Variants in USP14 observed in about 807,000 individuals in gnomAD.
The protein encoded by USP14 is ubiquitin carboxyl-terminal hydrolase 14.
USP14 carries 38 observed loss-of-function variants against 76.5 expected under a neutral mutation model. That is an observed-to-expected ratio of 0.50 (90% confidence interval 0.38 to 0.65). The LOEUF (loss-of-function observed/expected upper bound fraction) is 0.65, where lower values mean the gene tolerates loss of function less well. USP14 is among the 30% of genes least tolerant of loss of function. The probability of loss-of-function intolerance (pLI) is 0.00; values close to 1 mark genes in which losing one functional copy is unlikely to be tolerated. For missense variants in USP14, 467 were observed against 586.5 expected (o/e 0.80, Z 2.10); for synonymous variants, 192 against 191.7 (o/e 1.00, Z -0.01).
Position 204,630 on chromosome 18 carries a change from G to T in USP14, c.1102G>T (p.Val368Leu), listed in dbSNP as rs139411544. Residue 368 changes from valine to leucine, a missense_variant, in exon 13 of 16, where the codon GTG (valine) becomes TTG (leucine). Val to Leu is a conservative substitution (Grantham distance 32, BLOSUM62 1). Coordinates refer to ENST00000261601, the MANE Select transcript of USP14 (RefSeq NM_005151.4). ...TACACCAGAACTTCAAGAGAAAATG[G>T]TGTCTTTTCGATCCAAATTCAAGGA... The part of the protein sequence containing the change: ...LCTPELQEKM[V>L]SFRSKFKDLE... 13 of 1,613,186 alleles carry T rather than the reference G, an allele frequency of 8.1e-6. No homozygotes were observed. In the African/African-American group the frequency reaches 1.3e-4, roughly 17 times the overall value.
At chr18:176,409 T>G (rs1909629197) in intron 3 of USP14, among the ~76,000 whole-genome samples, 1 of 152,186 alleles carries the variant, frequency 6.6e-6, no homozygotes, top group African/African-American at 2.4e-5. Context: ...CACCTTAGCC[T>G]TCCGACTACC....
rs1403960508 is a variant in USP14 at position 213,587 on chromosome 18, T to TCAA, written c.*2306_*2308dup. ...TGCCACTCACACCGAGGCCATCATC[T>TCAA]CAACATTAGAGTTGTGCTAGATTAC... On this transcript the variant is annotated 3_prime_UTR_variant, in exon 16 of 16. Transcript: ENST00000261601. The TCAA allele has an allele frequency of 1.3e-5, 2 of 152,620 alleles. No homozygotes were observed. The highest frequency in any genetic ancestry group is 1.9e-4 in the East Asian group (1 of 5,170). 9.5% of individuals were successfully genotyped at this position (152,620 alleles called of 1,614,324 possible).
Position 214,504 on chromosome 18 carries a change from G to C in USP14, c.*3220G>C. 1 of 802,996 alleles carries C rather than the reference G, an allele frequency of 1.2e-6. No individual in the cohort carries two copies. Among genetic ancestry groups the C allele is most frequent in the Non-Finnish European group, 1.9e-6 (1 of 521,700 alleles). The allele number at this position is 802,996 out of a possible 1,614,324, so 49.7% of individuals were successfully genotyped here. Reference sequence around the variant, plus strand: ...GTGTTCTATTGTTCTCAGAGCACCAGCCGACTGTACAACAATTGTTATAAA... The same window carrying C: ...GTGTTCTATTGTTCTCAGAGCACCACCCGACTGTACAACAATTGTTATAAA... On this transcript the variant is annotated 3_prime_UTR_variant, in exon 16 of 16. Transcript: ENST00000261601.
At chr18:166,843 T>C (rs1378352473) in intron 3 of USP14, 24 bp downstream of exon 3, 1 of 1,603,110 alleles carries the variant, frequency 6.2e-7, no homozygotes, top group Non-Finnish European at 8.5e-7. Flanking sequence ...TATGAACGTT[T>C]ATTATAATGC....
Position 209,076 on chromosome 18 carries a change from A to G in USP14, c.1165-895A>G, listed in dbSNP as rs377194713. Among the ~76,000 whole-genome samples the G allele has an allele frequency of 2.6e-4, 39 of 151,726 alleles. No individual in the cohort carries two copies. The East Asian group carries it at 2.7e-3, about 11-fold the overall frequency. ...GTATAGACTATTTACATTTAGTGCA[A>G]TCATCGACATGTTAGGGTTTAATTC... On this transcript the variant is annotated intron_variant, in intron 13 of 15. Transcript: ENST00000261601.
intron 13 of USP14, among the ~76,000 whole-genome samples, chr18:208,205 G>C (rs1425109462): frequency 1.3e-5 from 2 of 151,580 alleles, no homozygotes; most frequent in Non-Finnish European, 2.9e-5. Flanking sequence ...CTATTCAAAT[G>C]ATCTATTTCA....
chr18:173,967 A>G (rs1909550306), intron 3 of USP14, among the ~76,000 whole-genome samples: 1 of 152,078 alleles, frequency 6.6e-6, no homozygotes, highest in South Asian at 2.1e-4. Flanking sequence ...TTGATTCTTC[A>G]GGCCTTGAAA....
chr18:211,237 T>C lies in USP14; in HGVS notation c.1438T>C (p.Tyr480His). The C allele has an allele frequency of 1.9e-6, 3 of 1,613,814 alleles. No individual in the cohort carries two copies. Among genetic ancestry groups the C allele is most frequent in the Non-Finnish European group, 2.5e-6 (3 of 1,179,750 alleles). ...GDWHIAYVLL[Y>H]GPRRVEIMEE... is the part of the protein sequence containing the mutation. ...CTGGCATATCGCTTACGTTCTACTC[T>C]ATGGGCCTCGCAGAGTTGAAATAAT... is the stretch of plus-strand genomic sequence containing the variant. The change falls in exon 16 of 16, where the codon TAT (tyrosine) becomes CAT (histidine). Residue 480 changes from tyrosine (Y) to histidine (H), a missense_variant. Transcript: ENST00000261601.
intron 13 of USP14, among the ~76,000 whole-genome samples, chr18:208,693 T>A (rs1468257261): frequency 6.6e-6 from 1 of 152,184 alleles, no homozygotes; most frequent in Admixed American, 6.5e-5. Context: ...CTGTTGATTC[T>A]AGTTTGATGC....
At chr18:176,569 T>C (rs1909633674) in intron 3 of USP14, among the ~76,000 whole-genome samples, 1 of 152,192 alleles carries the variant, frequency 6.6e-6, no homozygotes, top group Non-Finnish European at 1.5e-5. Flanking sequence ...CTTTTTCTTA[T>C]AGATTTGCTT....
In USP14 at chr18:213,497, T is replaced by C. The variant is rs1237959171; in HGVS notation, c.*2213T>C. 1 of 152,384 alleles carries C rather than the reference T, an allele frequency of 6.6e-6. No homozygotes were observed. The highest frequency in any genetic ancestry group is 1.5e-5 in the Non-Finnish European group (1 of 67,984). 9.4% of individuals were successfully genotyped at this position (152,384 alleles called of 1,614,324 possible). ...AATTCAGCCTTGCCTGTAAGGTCTT[T>C]GAGAAGGGAGAGGAGTAGGCCAAAA... On this transcript the variant is annotated 3_prime_UTR_variant, in exon 16 of 16. Transcript: ENST00000261601.
intron 5 of USP14, among the ~76,000 whole-genome samples, chr18:188,539 T>G (rs982300242): frequency 2.0e-5 from 3 of 151,370 alleles, no homozygotes; most frequent in Non-Finnish European, 2.9e-5. Flanking sequence ...TTGTGAGGGT[T>G]TGGTGTTACA....
chr18:180,386 A>G (rs767283593), intron 5 of USP14, 47 bp downstream of exon 5: 1 of 1,159,574 alleles, frequency 8.6e-7, no homozygotes, highest in South Asian at 1.4e-5. Flanking sequence ...CATTTGGATG[A>G]GTAGTATTGT....
At chr18:199,399 A>G in intron 10 of USP14, 83 bp downstream of exon 10, 1 of 970,416 alleles carries the variant, frequency 1.0e-6, no homozygotes. Flanking sequence ...CTGGGCTTTA[A>G]TGGTCATTTG....
At chr18:178,264 G>T (rs2144232005) in intron 3 of USP14, among the ~76,000 whole-genome samples, 1 of 152,232 alleles carries the variant, frequency 6.6e-6, no homozygotes, top group Admixed American at 6.5e-5. Flanking sequence ...CCATCCACTA[G>T]CCTTGGCCTC....
chr18:199,342 G>T, intron 10 of USP14, 26 bp downstream of exon 10: 2 of 1,523,156 alleles, frequency 1.3e-6, no homozygotes, highest in Non-Finnish European at 1.8e-6. Context: ...GTCCATCCTT[G>T]TTGTTTGTGA....
intron 1 of USP14, among the ~76,000 whole-genome samples, chr18:161,476 A>G (rs1158457184): frequency 2.6e-5 from 4 of 152,308 alleles, no homozygotes; most frequent in South Asian, 4.1e-4. Context: ...AGAAGTTAAC[A>G]CTTCATCCAG....
intron 10 of USP14, among the ~76,000 whole-genome samples, chr18:200,758 A>G (rs891910508): frequency 3.9e-5 from 6 of 152,076 alleles, no homozygotes; most frequent in East Asian, 3.9e-4. Context: ...ATTCCACTTC[A>G]AAAGCACTGA....
At chr18:193,937 G>A (rs1346883463) in intron 6 of USP14, among the ~76,000 whole-genome samples, 1 of 152,080 alleles carries the variant, frequency 6.6e-6, no homozygotes, top group Non-Finnish European at 1.5e-5. Context: ...TTTCTCTTTG[G>A]TATGCATCTA....
Sources: allele counts gnomAD v4.1 joint callset (sites outside exome capture counted in the v4.1 genomes callset), GRCh38; gene constraint gnomAD v4.1.1; transcripts MANE v1.5; gene names NCBI Gene and HGNC (gene_info 2026-07-23, HGNC 2026-07-21).